The following DOK6 variants were observed in gnomAD, a reference collection of about 807,000 sequenced individuals.
The protein encoded by DOK6 is downstream of tyrosine kinase 6.
A neutral mutation model predicts 44.0 loss-of-function variants in DOK6; 22 were observed. The observed-to-expected ratio is 0.50, with a 90% CI of 0.36 to 0.71. The LOEUF is 0.71. Ranked by LOEUF, DOK6 falls within the 30% of genes least tolerant of loss-of-function variation. The pLI, the probability that DOK6 is intolerant of heterozygous loss-of-function variation, is 0.00. For synonymous variants in DOK6, 166 were observed against 145.5 expected, an observed-to-expected ratio of 1.14 and a Z score of -1.01; for missense variants, 340 against 416.4, an observed-to-expected ratio of 0.82 and a Z score of 1.60.
At chr18:69,684,031 A>T (rs1484690968) in intron 4 of DOK6, among the ~76,000 whole-genome samples, 2 of 152,228 alleles carry the variant, frequency 1.3e-5, no homozygotes, top group African/African-American at 4.8e-5. Flanking sequence ...GGCAATGATT[A>T]TGGAAGCAGC....
At chr18:69,748,463 C>A (rs1321627222) in intron 6 of DOK6, among the ~76,000 whole-genome samples, 1 of 152,060 alleles carries the variant, frequency 6.6e-6, no homozygotes, top group African/African-American at 2.4e-5. Flanking sequence ...AAATTTATCC[C>A]ATAATTGGAA....
chr18:69,452,352 G>C (rs1979494125), intron 1 of DOK6, among the ~76,000 whole-genome samples: 1 of 150,768 alleles, frequency 6.6e-6, no homozygotes, highest in Admixed American at 6.6e-5. Flanking sequence ...ATTCTCCCAA[G>C]ACTAAACCAG....
intron 2 of DOK6, among the ~76,000 whole-genome samples, chr18:69,577,115 AG>A (rs1288380250): frequency 2.0e-5 from 3 of 152,262 alleles, no homozygotes; most frequent in African/African-American, 7.2e-5. Context: ...CCTTAGGTAA[AG>A]CAAACATCTC....
intron 2 of DOK6, among the ~76,000 whole-genome samples, chr18:69,586,418 C>G (rs555491182): frequency 6.6e-6 from 1 of 152,158 alleles, no homozygotes; most frequent in Non-Finnish European, 1.5e-5. Flanking sequence ...ACAGCAGGCC[C>G]TCTGCCGTGC....
At chr18:69,723,704 C>T (rs1373188483) in intron 5 of DOK6, among the ~76,000 whole-genome samples, 1 of 152,180 alleles carries the variant, frequency 6.6e-6, no homozygotes, top group East Asian at 1.9e-4. Flanking sequence ...CTGATAGTAT[C>T]TTTTATTTCA....
intron 3 of DOK6, among the ~76,000 whole-genome samples, chr18:69,615,139 A>G (rs1984255722): frequency 6.6e-6 from 1 of 152,238 alleles, no homozygotes; most frequent in South Asian, 2.1e-4. Flanking sequence ...AATATAGTAT[A>G]TATAACCCCA....
chr18:69,545,931 A>G (rs1465447899), intron 1 of DOK6, among the ~76,000 whole-genome samples: 1 of 151,526 alleles, frequency 6.6e-6, no homozygotes, highest in Non-Finnish European at 1.5e-5. Flanking sequence ...TATGATTTAT[A>G]TTTAAATAGG....
chr18:69,492,866 C>T (rs371522933), intron 1 of DOK6, among the ~76,000 whole-genome samples: 1 of 132,800 alleles, frequency 7.5e-6, no homozygotes, highest in East Asian at 2.0e-4. Context: ...GTAAGAAATA[C>T]TCAAAAGGAA....
In DOK6 at chr18:69,547,953, A is replaced by T. The variant is rs941304758; in HGVS notation, c.67-16534A>T. 1.7e-4 allele frequency among the ~76,000 whole-genome samples: 24 copies of T among 145,138 alleles called. No individual in the cohort carries two copies. In the East Asian group the frequency reaches 2.4e-3, roughly 14 times the overall value. On this transcript the variant is annotated intron_variant, in intron 1 of 7. Transcript: ENST00000382713. ...TATAATATATATATAATATATATAAAATATATATATATGTATTTTTGAGAC... is the reference window on the plus strand; with the variant it reads ...TATAATATATATATAATATATATAATATATATATATATGTATTTTTGAGAC...
chr18:69,566,141 T>G (rs1239983368), intron 2 of DOK6, among the ~76,000 whole-genome samples: 1 of 151,730 alleles, frequency 6.6e-6, no homozygotes, highest in African/African-American at 2.4e-5. Context: ...ATTTATTTAT[T>G]TATTTACTTA....
chr18:69,772,601 T>C (rs969923019), intron 7 of DOK6, among the ~76,000 whole-genome samples: 3 of 151,932 alleles, frequency 2.0e-5, no homozygotes, highest in Non-Finnish European at 4.4e-5. Context: ...GTGCCAAAAA[T>C]ACACAATGGG....
intron 4 of DOK6, among the ~76,000 whole-genome samples, chr18:69,693,326 AAAAAAG>A (rs1431141339): frequency 1.3e-5 from 2 of 151,608 alleles, no homozygotes; most frequent in South Asian, 2.1e-4. Context: ...AAAAAAAAAA[AAAAAAG>A]AATCTATTGG....
chr18:69,814,607 T>C (rs1255066206), intron 7 of DOK6, among the ~76,000 whole-genome samples: 2 of 151,952 alleles, frequency 1.3e-5, no homozygotes, highest in Non-Finnish European at 2.9e-5. Context: ...TTCCACAGGA[T>C]TAACAGGAAG....
Position 69,401,166 on chromosome 18 carries a change from C to T in DOK6, c.-79C>T. The T allele has an allele frequency of 2.1e-6, 3 of 1,396,756 alleles. No homozygotes were observed. The highest frequency in any genetic ancestry group is 2.8e-6 in the Non-Finnish European group (3 of 1,064,186). The allele number at this position is 1,396,756 out of a possible 1,614,324, so 86.5% of individuals were successfully genotyped here. On this transcript the variant is annotated 5_prime_UTR_variant, in exon 1 of 8. Coordinates refer to ENST00000382713, the MANE Select transcript of DOK6 (RefSeq NM_152721.6). ...GCGGCGGCCGGCTGGATGCGAGACC[C>T]GCGCAGACCCGGCGGCGGACGGCGG...
At chr18:69,584,503 G>T (rs1400196887) in intron 2 of DOK6, among the ~76,000 whole-genome samples, 1 of 152,110 alleles carries the variant, frequency 6.6e-6, no homozygotes, top group Non-Finnish European at 1.5e-5. Flanking sequence ...TGTTGGCCAG[G>T]CTGGTCTTGA....
chr18:69,649,088 C>A (rs1009581276), intron 3 of DOK6, among the ~76,000 whole-genome samples: 2 of 152,192 alleles, frequency 1.3e-5, no homozygotes, highest in African/African-American at 4.8e-5. Flanking sequence ...CACACAGCTT[C>A]CCACTGGAGA....
At chr18:69,677,614 T>A (rs1247334709) in intron 3 of DOK6, 120 bp from the exon 4 acceptor site, 1 of 1,526,304 alleles carries the variant, frequency 6.6e-7, no homozygotes, top group Non-Finnish European at 8.8e-7. Flanking sequence ...TTTTTTGTTG[T>A]TTTTTTAAAG....
chr18:69,723,667 C>G (rs1188969656), intron 5 of DOK6, among the ~76,000 whole-genome samples: 1 of 152,186 alleles, frequency 6.6e-6, no homozygotes, highest in Non-Finnish European at 1.5e-5. Flanking sequence ...GTGTAGTGCT[C>G]CTGTGAAACC....
intron 1 of DOK6, among the ~76,000 whole-genome samples, chr18:69,402,464 G>A (rs1298001337): frequency 1.3e-5 from 2 of 152,212 alleles, no homozygotes; most frequent in African/African-American, 2.4e-5. Context: ...TTAGAGAGTG[G>A]AAGAAAGATA....
Sources: gnomAD v4.1 joint callset for allele counts (sites outside exome capture counted in the v4.1 genomes callset) on GRCh38, gnomAD v4.1.1 for gene constraint, MANE v1.5 for transcripts, NCBI Gene and HGNC (gene_info 2026-07-23, HGNC 2026-07-21) for gene names.